Variants in RALGAPA2 observed in about 807,000 individuals in gnomAD.
RALGAPA2 encodes the protein Ral GTPase activating protein catalytic subunit alpha 2.
A neutral mutation model predicts 230.4 loss-of-function variants in RALGAPA2; 139 were observed. The observed-to-expected ratio is 0.60, with a 90% CI of 0.53 to 0.69. The LOEUF is 0.69. Among genes scored for constraint, RALGAPA2 ranks in the 30% least tolerant of loss-of-function variants. The probability of loss-of-function intolerance (pLI) is 0.00; values close to 1 mark genes in which losing one functional copy is unlikely to be tolerated. For missense variants in RALGAPA2, 2,163 were observed against 2,276.0 expected, an observed-to-expected ratio of 0.95 and a Z score of 1.01; for synonymous variants, 847 against 837.8, an observed-to-expected ratio of 1.01 and a Z score of -0.19.
At chr20:20,467,610 G>C (rs2061447794) in intron 37 of RALGAPA2, among the ~76,000 whole-genome samples, 1 of 152,152 alleles carries the variant, frequency 6.6e-6, no homozygotes, top group Admixed American at 6.5e-5. Flanking sequence ...TTAGCGACTT[G>C]AGTTTTAATT....
rs1304748567 is a variant in RALGAPA2, at chr20:20,455,575, CCA to C, written c.5495+17252_5495+17253del. 8.3e-4 allele frequency among the ~76,000 whole-genome samples: 126 copies of C among 152,296 alleles called. 1 individual carries two copies. Among genetic ancestry groups the C allele is most frequent in the Admixed American group, 8.2e-3 (125 of 15,306 alleles). On this transcript the variant is annotated intron_variant, in intron 37 of 39. Transcript: ENST00000202677. ...CCAAGGCAGAACGGACAAACCACTGCCACAGAGGACTGCCAAGGGTCATGTTA... is the reference window on the plus strand; with the variant it reads ...CCAAGGCAGAACGGACAAACCACTGCCAGAGGACTGCCAAGGGTCATGTTA...
In RALGAPA2 at chr20:20,616,091, AT is replaced by A; in HGVS notation, c.1639del (p.Ile547LeufsTer6). 6.4e-7 allele frequency: 1 copy of A among 1,555,082 alleles called. No homozygotes were observed. Among genetic ancestry groups the A allele is most frequent in the South Asian group, 1.2e-5 (1 of 82,892 alleles). On this transcript the variant is annotated frameshift_variant, in exon 13 of 40. Coordinates refer to ENST00000202677, the MANE Select transcript of RALGAPA2 (RefSeq NM_020343.4). LOFTEE classifies it high-confidence loss of function. ...CTCCATTATCATGCGCCTAAAAATAATCAAAACAGCTTTACAAGCATCAACT... is the reference window on the plus strand; with the variant it reads ...CTCCATTATCATGCGCCTAAAAATAACAAAACAGCTTTACAAGCATCAACT... ...EQVDACKAVLIIFRRMIMELT... is the reference protein window; with the variant it reads ...EQVDACKAVLXIFRRMIMELT...
At chr20:20,473,471 C>A (rs1039839378) in intron 36 of RALGAPA2, among the ~76,000 whole-genome samples, 2 of 152,046 alleles carry the variant, frequency 1.3e-5, no homozygotes, top group African/African-American at 4.8e-5. Flanking sequence ...CAAGATACTG[C>A]ATTACCTTCA....
intron 2 of RALGAPA2, among the ~76,000 whole-genome samples, chr20:20,678,514 A>G (rs979996425): frequency 1.3e-5 from 2 of 151,870 alleles, no homozygotes; most frequent in Admixed American, 1.3e-4. Context: ...TATCTACACT[A>G]TCCCCTTATC....
intron 35 of RALGAPA2, among the ~76,000 whole-genome samples, chr20:20,497,649 GTAGT>G (rs1188707956): frequency 6.6e-6 from 1 of 152,190 alleles, no homozygotes; most frequent in African/African-American, 2.4e-5. Context: ...TTGAAGTTTT[GTAGT>G]TACTTTCCCA....
intron 37 of RALGAPA2, among the ~76,000 whole-genome samples, chr20:20,416,870 T>A (rs1361920848): frequency 6.6e-6 from 1 of 151,968 alleles, no homozygotes; most frequent in Non-Finnish European, 1.5e-5. Flanking sequence ...TTCCCAAGAG[T>A]GGACATGACG....
intron 37 of RALGAPA2, among the ~76,000 whole-genome samples, chr20:20,418,539 T>C (rs1217625078): frequency 6.6e-6 from 1 of 152,160 alleles, no homozygotes; most frequent in Non-Finnish European, 1.5e-5. Flanking sequence ...TATAACATGT[T>C]ACAGGCAACA....
intron 24 of RALGAPA2, among the ~76,000 whole-genome samples, chr20:20,544,756 A>T (rs1226872182): frequency 6.6e-6 from 1 of 152,172 alleles, no homozygotes; most frequent in African/African-American, 2.4e-5. Flanking sequence ...CATTCTCAGC[A>T]GACTAACACA....
chr20:20,507,843 C>T (rs1256015585), intron 33 of RALGAPA2, among the ~76,000 whole-genome samples: 3 of 152,138 alleles, frequency 2.0e-5, no homozygotes, highest in Non-Finnish European at 4.4e-5. Flanking sequence ...GAAACCATAA[C>T]CTATGACCTA....
chr20:20,591,040 C>T (rs2065273256), intron 17 of RALGAPA2, 137 bp downstream of exon 17: 1 of 1,029,682 alleles, frequency 9.7e-7, no homozygotes, highest in African/African-American at 1.6e-5. Flanking sequence ...TAAATCACAT[C>T]CTTCTAATCA....
intron 37 of RALGAPA2, among the ~76,000 whole-genome samples, chr20:20,465,485 T>G (rs1262550513): frequency 6.6e-6 from 1 of 151,934 alleles, no homozygotes; most frequent in Non-Finnish European, 1.5e-5. Flanking sequence ...GGTAGTGAGA[T>G]GCAGTGACCC....
chr20:20,651,871 A>G (rs1872383287), intron 4 of RALGAPA2, among the ~76,000 whole-genome samples: 1 of 152,228 alleles, frequency 6.6e-6, no homozygotes, highest in Non-Finnish European at 1.5e-5. Context: ...AGCCATTCCT[A>G]CGGTACCATG....
chr20:20,625,833 C>T (rs909058054), intron 10 of RALGAPA2, among the ~76,000 whole-genome samples: 3 of 152,168 alleles, frequency 2.0e-5, no homozygotes, highest in South Asian at 2.1e-4. Flanking sequence ...AAGCATTCTA[C>T]CACTGCCTGG....
intron 37 of RALGAPA2, among the ~76,000 whole-genome samples, chr20:20,467,653 T>G (rs2061448798): frequency 6.6e-6 from 1 of 152,278 alleles, no homozygotes; most frequent in Admixed American, 6.5e-5. Context: ...TCCCTTCCCA[T>G]TTGAAGGAGA....
intron 37 of RALGAPA2, among the ~76,000 whole-genome samples, chr20:20,418,941 T>C (rs2060221434): frequency 6.6e-6 from 1 of 152,160 alleles, no homozygotes; most frequent in East Asian, 1.9e-4. Context: ...GGTCTCGCTA[T>C]GTTGCCTAGG....
chr20:20,557,653 G>C (rs1325844988), intron 23 of RALGAPA2, among the ~76,000 whole-genome samples: 1 of 152,112 alleles, frequency 6.6e-6, no homozygotes, highest in Non-Finnish European at 1.5e-5. Context: ...TTGGAATCTA[G>C]GTTAGGCCCC....
Position 20,512,755 on chromosome 20 carries a change from T to G in RALGAPA2, c.4614A>C (p.Ser1538=), listed in dbSNP as rs766860894. Residue 1538 remains serine (S), a synonymous_variant, in exon 32 of 40, where the codon TCA becomes TCC. Transcript: ENST00000202677. ...GGGAAGGTTCATTTAGATTTAGCTGTGACGGTAAAAGGCATTCAGGACTTG... is the reference window on the plus strand; with the variant it reads ...GGGAAGGTTCATTTAGATTTAGCTGGGACGGTAAAAGGCATTCAGGACTTG... The part of the protein sequence containing the change: ...GHTSPECLLP[S]QLNLNEPSLT... 18 of 1,613,812 alleles carry G rather than the reference T, an allele frequency of 1.1e-5. No homozygotes were observed. The highest frequency in any genetic ancestry group is 1.3e-5 in the Non-Finnish European group (15 of 1,179,790).
intron 16 of RALGAPA2, among the ~76,000 whole-genome samples, chr20:20,594,520 A>G (rs2065388310): frequency 6.6e-6 from 1 of 152,110 alleles, no homozygotes; most frequent in South Asian, 2.1e-4. Context: ...AAATTATATA[A>G]TACATCCTAG....
Position 20,495,201 on chromosome 20 carries a change from G to C in RALGAPA2, c.5283C>G (p.Ile1761Met), listed in dbSNP as rs775579990. The C allele has an allele frequency of 3.1e-6, 5 of 1,611,538 alleles. No individual in the cohort carries two copies. Among genetic ancestry groups the C allele is most frequent in the African/African-American group, 1.3e-5 (1 of 74,898 alleles). The change falls in exon 36 of 40, where the codon ATC becomes ATG. Residue 1761 changes from isoleucine to methionine, a missense_variant. Coordinates refer to ENST00000202677, the MANE Select transcript of RALGAPA2 (RefSeq NM_020343.4). ...EHSRDYRRGI[I>M]PTAFGDVSII... Reference sequence around the variant, plus strand: ...TTGAAACATCTCCAAAGGCAGTTGGGATAATACCCCTGCGGTAGTCTCTGG... The same window carrying C: ...TTGAAACATCTCCAAAGGCAGTTGGCATAATACCCCTGCGGTAGTCTCTGG...
Sources: gnomAD v4.1 joint callset for allele counts (sites outside exome capture counted in the v4.1 genomes callset) on GRCh38, gnomAD v4.1.1 for gene constraint, MANE v1.5 for transcripts, NCBI Gene and HGNC (gene_info 2026-07-23, HGNC 2026-07-21) for gene names.